KCNMA1: variants seen among roughly 807,000 people sequenced by gnomAD.
KCNMA1 encodes the protein potassium calcium-activated channel subfamily M alpha 1.
Under a neutral mutation model 140.0 loss-of-function variants are expected in KCNMA1, and 29 were observed. The observed-to-expected ratio is 0.21, with a 90% CI of 0.15 to 0.28. The LOEUF is 0.28. Among genes scored for constraint, KCNMA1 ranks in the 10% least tolerant of loss-of-function variants. The pLI, the probability that KCNMA1 is intolerant of heterozygous loss-of-function variation, is 1.00. For synonymous variants in KCNMA1, 612 were observed against 611.9 expected (o/e 1.00, Z 0.00); for missense variants, 880 against 1,602.2 (o/e 0.55, Z 7.70).
intron 1 of KCNMA1, among the ~76,000 whole-genome samples, chr10:77,543,143 T>C (rs1826553642): frequency 6.6e-6 from 1 of 152,082 alleles, no homozygotes; most frequent in South Asian, 2.1e-4. Context: ...GGACATCCCC[T>C]CCTATATCCC....
chr10:77,449,635 T>A (rs1024852953), intron 1 of KCNMA1, among the ~76,000 whole-genome samples: 24 of 140,086 alleles, frequency 1.7e-4, no homozygotes, highest in Non-Finnish European at 2.7e-4. Context: ...ATTTTTTTTT[T>A]AATTTTTAAT....
At chr10:77,185,510 A>G (rs1016983093) in intron 3 of KCNMA1, among the ~76,000 whole-genome samples, 31 of 152,152 alleles carry the variant, frequency 2.0e-4, no homozygotes, top group Admixed American at 2.0e-3. Flanking sequence ...CTTTCTGTGC[A>G]GGACTCGGAT....
At chr10:77,575,501 A>G (rs1296060865) in intron 1 of KCNMA1, among the ~76,000 whole-genome samples, 1 of 152,194 alleles carries the variant, frequency 6.6e-6, no homozygotes, top group African/African-American at 2.4e-5. Context: ...GACAGATGGA[A>G]GCCCACTTTC....
intron 19 of KCNMA1, chr10:76,980,554 T>C (rs1401023050): frequency 2.0e-5 from 3 of 152,212 alleles, no homozygotes; most frequent in African/African-American, 7.2e-5. Context: ...ATTTCACATG[T>C]GGGACAATCT....
intron 2 of KCNMA1, among the ~76,000 whole-genome samples, chr10:77,293,650 C>T (rs2074056981): frequency 6.6e-6 from 1 of 152,230 alleles, no homozygotes. Flanking sequence ...AACCTCCAAC[C>T]TTCCCCTTGG....
intron 6 of KCNMA1, among the ~76,000 whole-genome samples, chr10:77,118,029 G>T (rs1412262686): frequency 1.3e-5 from 2 of 152,048 alleles, no homozygotes; most frequent in Non-Finnish European, 2.9e-5. Context: ...TCAGCTCTTG[G>T]CCCAGTGAGG....
intron 1 of KCNMA1, among the ~76,000 whole-genome samples, chr10:77,539,933 C>T (rs1029236621): frequency 3.3e-5 from 5 of 152,226 alleles, no homozygotes; most frequent in Non-Finnish European, 7.3e-5. Context: ...CTACCCACCA[C>T]TCTGGGAGAG....
At chr10:77,516,771 G>A (rs1292576332) in intron 1 of KCNMA1, among the ~76,000 whole-genome samples, 1 of 152,202 alleles carries the variant, frequency 6.6e-6, no homozygotes, top group Non-Finnish European at 1.5e-5. Context: ...GGCCCCCTGT[G>A]CAAGTGTAAG....
chr10:77,005,011 G>GATCC (rs1398647484), intron 18 of KCNMA1, among the ~76,000 whole-genome samples: 4 of 152,136 alleles, frequency 2.6e-5, no homozygotes, highest in Non-Finnish European at 5.9e-5. Flanking sequence ...CTCTCCTTTG[G>GATCC]TGTTTGCTAA....
In KCNMA1 at chr10:77,149,646, AC is replaced by A. The variant is rs1445739742; in HGVS notation, c.809-28599del. 3.3e-5 allele frequency among the ~76,000 whole-genome samples: 5 copies of A among 152,126 alleles called. No homozygotes were observed. The East Asian group carries it at 9.6e-4, about 29-fold the overall frequency. On this transcript the variant is annotated intron_variant, in intron 5 of 27. Transcript: ENST00000286628. ...CTGTGCTGTTGGGCTGCCTGGTCAA[AC>A]CCATGCATAGTGAAATAATCCGTCT... is the stretch of plus-strand genomic sequence containing the variant.
rs897059522 is a variant in KCNMA1 at position 77,563,211 on chromosome 10, A to G, written c.378+74054T>C. 2.0e-5 allele frequency among the ~76,000 whole-genome samples: 3 copies of G among 152,198 alleles called. No homozygotes were observed. In the East Asian group the frequency reaches 5.8e-4, roughly 29 times the overall value. ...CAACTAGCACTAATAGTGTTCACAG[A>G]GGCAGCACCTCTGCAGTAATTGCAA... On this transcript the variant is annotated intron_variant, in intron 1 of 27. Transcript: ENST00000286628.
chr10:77,183,894 AG>A (rs1324117771), intron 4 of KCNMA1, among the ~76,000 whole-genome samples: 1 of 152,214 alleles, frequency 6.6e-6, no homozygotes, highest in Non-Finnish European at 1.5e-5. Context: ...AGTGCCCCAT[AG>A]AGAGCCCTAT....
intron 2 of KCNMA1, among the ~76,000 whole-genome samples, chr10:77,307,290 T>C (rs534938829): frequency 1.3e-5 from 2 of 152,290 alleles, no homozygotes; most frequent in African/African-American, 4.8e-5. Context: ...TCCCTGTACA[T>C]GCAGACACAG....
Position 76,949,175 on chromosome 10 carries a change from C to A in KCNMA1, c.2676G>T (p.Thr892=), listed in dbSNP as rs143184179. ...SIEYLKREWE[T]LHNFPKVSIL... Reference sequence around the variant, plus strand: ...TGGACACTTTGGGGAAGTTATGAAGCGTCTCCCATTCCCGCTTGAGGTACT... The same window carrying A: ...TGGACACTTTGGGGAAGTTATGAAGAGTCTCCCATTCCCGCTTGAGGTACT... The change falls in exon 22 of 28, where the codon ACG becomes ACT. Residue 892 remains threonine, a synonymous_variant. Transcript: ENST00000286628. 1.9e-6 allele frequency: 3 copies of A among 1,614,074 alleles called. No homozygotes were observed. The highest frequency in any genetic ancestry group is 2.7e-5 in the African/African-American group (2 of 75,042).
chr10:77,269,896 C>T (rs1229425710), intron 2 of KCNMA1, among the ~76,000 whole-genome samples: 1 of 152,114 alleles, frequency 6.6e-6, no homozygotes, highest in Non-Finnish European at 1.5e-5. Flanking sequence ...GGAGGCTGCC[C>T]CAAGCTGTAC....
At chr10:77,169,873 T>C (rs2098684085) in intron 5 of KCNMA1, among the ~76,000 whole-genome samples, 1 of 152,202 alleles carries the variant, frequency 6.6e-6, no homozygotes, top group African/African-American at 2.4e-5. Flanking sequence ...GTGTTTGGCA[T>C]TTATTTCGAG....
chr10:77,025,436 G>C, intron 16 of KCNMA1: 3 of 1,602,928 alleles, frequency 1.9e-6, no homozygotes, highest in Non-Finnish European at 2.6e-6. Flanking sequence ...AGTTAACGAA[G>C]AGTGCATACC....
intron 2 of KCNMA1, among the ~76,000 whole-genome samples, chr10:77,303,458 G>C (rs2076985423): frequency 6.6e-6 from 1 of 151,982 alleles, no homozygotes; most frequent in South Asian, 2.1e-4. Context: ...AAAACCCATA[G>C]GTAAACAGAG....
intron 3 of KCNMA1, among the ~76,000 whole-genome samples, chr10:77,204,998 G>A (rs1257811107): frequency 6.6e-6 from 1 of 152,090 alleles, no homozygotes; most frequent in Non-Finnish European, 1.5e-5. Flanking sequence ...CACGCTCCAT[G>A]ATGTTCTTAA....
Sources: allele counts gnomAD v4.1 joint callset (sites outside exome capture counted in the v4.1 genomes callset), GRCh38; gene constraint gnomAD v4.1.1; transcripts MANE v1.5; gene names NCBI Gene and HGNC (gene_info 2026-07-23, HGNC 2026-07-21).